SH3BP5L: variants seen among roughly 807,000 people sequenced by gnomAD.
The protein encoded by SH3BP5L is SH3 domain-binding protein 5-like.
A neutral mutation model predicts 40.9 loss-of-function variants in SH3BP5L; 16 were observed. The observed-to-expected ratio is 0.39, with a 90% CI of 0.27 to 0.59. SH3BP5L has a LOEUF of 0.59. Ranked by LOEUF, SH3BP5L falls within the 20% of genes least tolerant of loss-of-function variation. SH3BP5L has a pLI of 0.53. For missense variants in SH3BP5L, 471 were observed against 544.6 expected, an observed-to-expected ratio of 0.86 and a Z score of 1.35; for synonymous variants, 229 against 226.7, an observed-to-expected ratio of 1.01 and a Z score of -0.09.
intron 2 of SH3BP5L, among the ~76,000 whole-genome samples, chr1:248,823,618 A>G (rs1175471557): frequency 1.3e-5 from 2 of 152,194 alleles, no homozygotes; most frequent in Non-Finnish European, 2.9e-5. Flanking sequence ...CTGCTCCATT[A>G]TAAGCATGGA....
At position 248,812,381 on chromosome 1, in the gene SH3BP5L, C is replaced by G; in HGVS notation, c.712-11G>C. The G allele has an allele frequency of 5.6e-6, 9 of 1,599,824 alleles. No homozygotes were observed. The highest frequency in any genetic ancestry group is 7.6e-6 in the Non-Finnish European group (9 of 1,178,316). ...CTTGGCCTTGTGCTCCTGCAGAGGG[C>G]AGAGCAGAGCAAGGCGACCCATGGG... is the stretch of plus-strand genomic sequence containing the variant. On this transcript the variant is annotated splice_polypyrimidine_tract_variant and intron_variant, in intron 6 of 6. Transcript: ENST00000366472. This position sits in a 1 kb window ranked among gnomAD's most constrained non-coding sequence, Gnocchi z 6.1.
intron 1 of SH3BP5L, 126 bp from the exon 2 acceptor site, chr1:248,825,492 C>T: frequency 1.8e-6 from 1 of 548,874 alleles, no homozygotes; most frequent in South Asian, 7.7e-5. Context: ...GTATTCCGAC[C>T]AGTCCCTACC....
intron 2 of SH3BP5L, among the ~76,000 whole-genome samples, chr1:248,819,576 A>C (rs1219571073): frequency 6.6e-6 from 1 of 151,754 alleles, no homozygotes; most frequent in African/African-American, 2.4e-5. Flanking sequence ...GGTGGCACAC[A>C]CCTGTAGTCC....
chr1:248,813,095 T>C lies in SH3BP5L; in HGVS notation c.605A>G (p.Gln202Arg). The C allele has an allele frequency of 6.2e-7, 1 of 1,611,756 alleles. No individual in the cohort carries two copies. The highest frequency in any genetic ancestry group is 8.5e-7 in the Non-Finnish European group (1 of 1,178,924). ...REHQRVTRLC[Q>R]QAEARVQALQ... ...GGCTTGGACCCGAGCCTCAGCCTGT[T>C]GGCACAGCCGAGTCACTCGCTGGTG... Residue 202 changes from glutamine (Q) to arginine (R), a missense_variant, in exon 6 of 7, where the codon CAA (glutamine) becomes CGA (arginine). Transcript: ENST00000366472.
At chr1:248,822,215 A>G (rs1664269604) in intron 2 of SH3BP5L, among the ~76,000 whole-genome samples, 1 of 152,222 alleles carries the variant, frequency 6.6e-6, no homozygotes, top group African/African-American at 2.4e-5. Flanking sequence ...TGAACTGTCA[A>G]CACTCAAAGG....
chr1:248,813,000 G>C lies in SH3BP5L; in HGVS notation c.700C>G (p.Gln234Glu). ...ACCCACTCAGCTACCTCCAGGATCT[G>C]GCTGAACTGGGCCTTGAGCTCAAAG... ...PYFELKAQFSQILEEHKAKVT... is the reference protein window; with the variant it reads ...PYFELKAQFSEILEEHKAKVT... The change falls in exon 6 of 7, where the codon CAG becomes GAG. Residue 234 changes from glutamine to glutamate, a missense_variant. Physicochemically the swap from Gln to Glu is conservative, Grantham distance 29. Transcript: ENST00000366472. This position sits in a 1 kb window ranked among gnomAD's most constrained non-coding sequence, Gnocchi z 6.1. The C allele has an allele frequency of 6.3e-7, 1 of 1,589,222 alleles. No homozygotes were observed. The highest frequency in any genetic ancestry group is 8.6e-7 in the Non-Finnish European group (1 of 1,163,898).
chr1:248,819,493 G>A (rs1239565081), intron 2 of SH3BP5L, among the ~76,000 whole-genome samples: 1 of 151,832 alleles, frequency 6.6e-6, no homozygotes, highest in Non-Finnish European at 1.5e-5. Flanking sequence ...CCTGAGCTCA[G>A]GAGTTTGAGA....
chr1:248,812,353 C>CA lies in SH3BP5L; in HGVS notation c.728dup (p.Thr244AspfsTer20), dbSNP rs1558225953. 1 of 1,605,580 alleles carries CA rather than the reference C, an allele frequency of 6.2e-7. No homozygotes were observed. The highest frequency in any genetic ancestry group is 8.5e-7 in the Non-Finnish European group (1 of 1,179,926). ...GAGCTACCTGCTGCTCCAGTTCTGT[C>CA]ACCTTGGCCTTGTGCTCCTGCAGAG... On this transcript the variant is annotated frameshift_variant, in exon 7 of 7. Transcript: ENST00000366472. LOFTEE classifies it high-confidence loss of function. The surrounding 1 kb of genome is among the most constrained non-coding windows in gnomAD (Gnocchi z 6.1).
chr1:248,825,759 C>A, intron 1 of SH3BP5L, 76 bp downstream of exon 1: 1 of 506,092 alleles, frequency 2.0e-6, no homozygotes, highest in Non-Finnish European at 2.5e-6. Context: ...CAATTCCACA[C>A]TCTTCCGCAA....
In SH3BP5L at chr1:248,824,829, G is replaced by T. The variant is rs766109906; in HGVS notation, c.107C>A (p.Pro36His). ...ACTGCTGCTGCTTCCACCTCCTCCAGGCTCTTCTGCGACTGGGCTCCTAGG... is the reference window on the plus strand; with the variant it reads ...ACTGCTGCTGCTTCCACCTCCTCCATGCTCTTCTGCGACTGGGCTCCTAGG... ...EVPRSPVAEE[P>H]GGGGSSSSEA... The change falls in exon 2 of 7, where the codon CCT (proline) becomes CAT (histidine). Residue 36 changes from proline to histidine, a missense_variant. Around this residue, in one of 2 missense-constraint regions of SH3BP5L, gnomAD observed 275 missense variants for 370.1 expected, o/e 0.74. Coordinates refer to ENST00000366472, the MANE Select transcript of SH3BP5L (RefSeq NM_030645.3). 1 of 1,614,130 alleles carries T rather than the reference G, an allele frequency of 6.2e-7. No individual in the cohort carries two copies. Among genetic ancestry groups the T allele is most frequent in the Non-Finnish European group, 8.5e-7 (1 of 1,180,026 alleles).
chr1:248,816,808 A>G lies in SH3BP5L; in HGVS notation c.246+14T>C, dbSNP rs371071927. 5.6e-5 allele frequency: 90 copies of G among 1,613,856 alleles called. No homozygotes were observed. The highest frequency in any genetic ancestry group is 7.3e-5 in the Non-Finnish European group (86 of 1,179,848). ...CAAGGACCAGCCCAAGCACATAAGG[A>G]AAAGGACACTCACATCCAGCTGTAG... is the stretch of plus-strand genomic sequence containing the variant. On this transcript the variant is annotated intron_variant, in intron 3 of 6. Transcript: ENST00000366472.
chr1:248,814,068 G>A (rs907826601), intron 5 of SH3BP5L: 1 of 217,738 alleles, frequency 4.6e-6, no homozygotes, highest in South Asian at 6.9e-5. Context: ...TTCAAAACTC[G>A]AGGTGTACTG....
intron 2 of SH3BP5L, among the ~76,000 whole-genome samples, chr1:248,822,489 G>C (rs1445900748): frequency 6.6e-6 from 1 of 152,178 alleles, no homozygotes; most frequent in African/African-American, 2.4e-5. Flanking sequence ...TTTAGCAAGA[G>C]AGACGAGGGT....
intron 2 of SH3BP5L, among the ~76,000 whole-genome samples, chr1:248,824,020 A>G (rs1452833490): frequency 1.3e-5 from 2 of 152,182 alleles, no homozygotes; most frequent in African/African-American, 2.4e-5. Context: ...GACTACCCCC[A>G]GGTCTCCTAC....
In SH3BP5L at chr1:248,825,348, G is replaced by T; in HGVS notation, c.-413C>A. 2 of 1,003,136 alleles carry T rather than the reference G, an allele frequency of 2.0e-6. No homozygotes were observed. The highest frequency in any genetic ancestry group is 2.4e-6 in the Non-Finnish European group (2 of 841,104). 62.1% of individuals were successfully genotyped at this position (1,003,136 alleles called of 1,614,324 possible). A position where few individuals can be genotyped will look rare whatever the true frequency, so the allele number is the denominator to read the frequency against. On this transcript the variant is annotated 5_prime_UTR_variant, in exon 2 of 7. Coordinates refer to ENST00000366472, the MANE Select transcript of SH3BP5L (RefSeq NM_030645.3). ...GGCTGGGCCCGAGCTGAGGCTGTAGGATGAGCGTCTCTGGGGAGCTGCAGA... is the reference window on the plus strand; with the variant it reads ...GGCTGGGCCCGAGCTGAGGCTGTAGTATGAGCGTCTCTGGGGAGCTGCAGA...
At position 248,812,085 on chromosome 1, in the gene SH3BP5L, G is replaced by A. The variant is rs556646430; in HGVS notation, c.997C>T (p.Leu333=). ...GPGPAPDTDT[L]SLLSLRTVAS... ...ACCGTGCGCAGGCTCAGCAGACTCA[G>A]GGTATCGGTGTCGGGGGCGGGGCCG... Residue 333 remains leucine (L), a synonymous_variant, in exon 7 of 7, where the codon CTG becomes TTG. Coordinates refer to ENST00000366472, the MANE Select transcript of SH3BP5L (RefSeq NM_030645.3). The surrounding 1 kb of genome is among the most constrained non-coding windows in gnomAD (Gnocchi z 6.1). 20 of 1,612,454 alleles carry A rather than the reference G, an allele frequency of 1.2e-5. No homozygotes were observed. In the South Asian group the frequency reaches 2.0e-4, roughly 16 times the overall value.
chr1:248,811,818 C>T lies in SH3BP5L; in HGVS notation c.*82G>A. 9.4e-7 allele frequency: 1 copy of T among 1,068,678 alleles called. No homozygotes were observed. The highest frequency in any genetic ancestry group is 1.6e-5 in the South Asian group (1 of 61,628). 66.2% of individuals were successfully genotyped at this position (1,068,678 alleles called of 1,614,324 possible). A position where few individuals can be genotyped will look rare whatever the true frequency, so the allele number is the denominator to read the frequency against. On this transcript the variant is annotated 3_prime_UTR_variant, in exon 7 of 7. Transcript: ENST00000366472. ...AAGGGGACCTTCGGGAAGACGAGGC[C>T]CCAGAGGAGAGGGCGTGAGAAGACT...
In SH3BP5L at chr1:248,823,955, A is replaced by C. The variant is rs564142590; in HGVS notation, c.183+798T>G. ...CTCAGCCAATTCCCTGAAACACTGC[A>C]ACCCAGCTTTGATTGGCCAGGCATC... On this transcript the variant is annotated intron_variant, in intron 2 of 6. Coordinates refer to ENST00000366472, the MANE Select transcript of SH3BP5L (RefSeq NM_030645.3). Among the ~76,000 whole-genome samples, 35 of 152,310 alleles carry C rather than the reference A, an allele frequency of 2.3e-4. 1 individual carries two copies. Among genetic ancestry groups the C allele is most frequent in the Admixed American group, 2.3e-3 (35 of 15,304 alleles).
Position 248,811,926 on chromosome 1 carries a change from G to GACCCCC in SH3BP5L, c.1150_1155dup (p.Gly384_Gly385dup). ...TACAGGCTGACGCTGCGCTGGTGCCGACCCCCACGGGCTCCGCCGTCGCTG... is the reference window on the plus strand; with the variant it reads ...TACAGGCTGACGCTGCGCTGGTGCCGACCCCCACCCCCACGGGCTCCGCCGTCGCTG... On this transcript the variant is annotated inframe_insertion, in exon 7 of 7. Transcript: ENST00000366472. 6.5e-7 allele frequency: 1 copy of GACCCCC among 1,544,526 alleles called. No homozygotes were observed.
Sources: allele counts gnomAD v4.1 joint callset (sites outside exome capture counted in the v4.1 genomes callset), GRCh38; gene constraint gnomAD v4.1.1; regional missense constraint gnomAD v4.1.1; non-coding constraint Gnocchi (gnomAD v3.1); transcripts MANE v1.5; gene names NCBI Gene and HGNC (gene_info 2026-07-23, HGNC 2026-07-21).